RCOR1: variants seen among roughly 807,000 people sequenced by gnomAD.
RCOR1 encodes REST corepressor 1.
A neutral mutation model predicts 64.0 loss-of-function variants in RCOR1; 12 were observed. The observed-to-expected ratio is 0.19, with a 90% CI of 0.12 to 0.30. The LOEUF is 0.30. Among genes scored for constraint, RCOR1 ranks in the 10% least tolerant of loss-of-function variants. RCOR1 has a pLI of 1.00. For synonymous variants in RCOR1, 279 were observed against 227.2 expected, an observed-to-expected ratio of 1.23 and a Z score of -2.05; for missense variants, 502 against 621.2, an observed-to-expected ratio of 0.81 and a Z score of 2.04.
intron 3 of RCOR1, among the ~76,000 whole-genome samples, chr14:102,686,991 G>T (rs1022836706): frequency 2.0e-5 from 3 of 152,074 alleles, no homozygotes; most frequent in Non-Finnish European, 4.4e-5. Context: ...ATTCTTTTCA[G>T]TGTACCTGGC....
At chr14:102,620,073 T>C (rs1449730945) in intron 2 of RCOR1, among the ~76,000 whole-genome samples, 1 of 152,160 alleles carries the variant, frequency 6.6e-6, no homozygotes, top group African/African-American at 2.4e-5. Flanking sequence ...GTAGCTTTCT[T>C]GTAAATCTCC....
intron 2 of RCOR1, among the ~76,000 whole-genome samples, chr14:102,643,785 G>A (rs1025240315): frequency 6.6e-6 from 1 of 152,202 alleles, no homozygotes. Context: ...CTATCTGGAC[G>A]TGGTGGGGGA....
chr14:102,640,382 C>T (rs139261612), intron 2 of RCOR1, among the ~76,000 whole-genome samples: 37 of 152,256 alleles, frequency 2.4e-4, no homozygotes, highest in African/African-American at 8.2e-4. Context: ...TATGTATGAA[C>T]GAGATGTGAA....
intron 2 of RCOR1, among the ~76,000 whole-genome samples, chr14:102,669,890 T>C (rs1454281756): frequency 6.6e-6 from 1 of 152,226 alleles, no homozygotes; most frequent in Non-Finnish European, 1.5e-5. Flanking sequence ...TTAAATTTAC[T>C]CATGCGTAGC....
At chr14:102,622,126 G>A (rs1374118256) in intron 2 of RCOR1, among the ~76,000 whole-genome samples, 1 of 152,184 alleles carries the variant, frequency 6.6e-6, no homozygotes, top group Non-Finnish European at 1.5e-5. Context: ...TGGGACTTGG[G>A]CAGGTAGAAA....
At chr14:102,616,212 G>GTA (rs1893757109) in intron 2 of RCOR1, among the ~76,000 whole-genome samples, 2 of 7,180 alleles carry the variant, frequency 2.8e-4, no homozygotes, top group Admixed American at 1.9e-3. Flanking sequence ...GTATATGTGT[G>GTA]TGTGTGTGTG....
At chr14:102,636,174 G>A (rs571356896) in intron 2 of RCOR1, among the ~76,000 whole-genome samples, 36 of 152,030 alleles carry the variant, frequency 2.4e-4, no homozygotes, top group African/African-American at 7.2e-4. Flanking sequence ...TCCTGACCTC[G>A]TGATCTGCCC....
intron 4 of RCOR1, 72 bp from the exon 5 acceptor site, chr14:102,707,279 C>A: frequency 1.7e-4 from 186 of 1,115,132 alleles, no homozygotes; most frequent in East Asian, 2.4e-4. Context: ...TTTTACTTTT[C>A]TTTTGCTGGT....
intron 2 of RCOR1, among the ~76,000 whole-genome samples, chr14:102,681,096 T>C (rs1256037077): frequency 6.6e-6 from 1 of 152,200 alleles, no homozygotes; most frequent in Non-Finnish European, 1.5e-5. Context: ...TCAACCAGAC[T>C]GTGGGTTTCC....
chr14:102,598,707 C>G (rs1252922471), intron 2 of RCOR1, among the ~76,000 whole-genome samples: 1 of 152,156 alleles, frequency 6.6e-6, no homozygotes, highest in African/African-American at 2.4e-5. Context: ...CTCGGCCTCC[C>G]AGAGTGCTGG....
At chr14:102,644,715 C>A (rs1161954292) in intron 2 of RCOR1, among the ~76,000 whole-genome samples, 1 of 152,150 alleles carries the variant, frequency 6.6e-6, no homozygotes, top group Non-Finnish European at 1.5e-5. Context: ...AATGGCAGGA[C>A]AAGCTTAGGA....
At chr14:102,664,434 A>C (rs1224560597) in intron 2 of RCOR1, among the ~76,000 whole-genome samples, 3 of 152,152 alleles carry the variant, frequency 2.0e-5, no homozygotes, top group Non-Finnish European at 4.4e-5. Flanking sequence ...TTCTAAGGGA[A>C]ATTATTCATT....
At chr14:102,622,636 GC>G (rs1020434916) in intron 2 of RCOR1, among the ~76,000 whole-genome samples, 1 of 151,086 alleles carries the variant, frequency 6.6e-6, no homozygotes, top group Non-Finnish European at 1.5e-5. Context: ...TGTGATTTCC[GC>G]CCCCCGCCCC....
At chr14:102,670,813 GC>G (rs1455890421) in intron 2 of RCOR1, among the ~76,000 whole-genome samples, 1 of 150,452 alleles carries the variant, frequency 6.6e-6, no homozygotes, top group Non-Finnish European at 1.5e-5. Context: ...TGCTCTTGTC[GC>G]CCAGGCTGGA....
Position 102,729,765 on chromosome 14 carries a change from C to A in RCOR1, c.*3259C>A, listed in dbSNP as rs117149727. The A allele has an allele frequency of 1.5e-5, 6 of 398,760 alleles. No individual in the cohort carries two copies. In the East Asian group the frequency reaches 2.1e-4, roughly 14 times the overall value. 24.7% of individuals were successfully genotyped at this position (398,760 alleles called of 1,614,324 possible). On this transcript the variant is annotated 3_prime_UTR_variant, in exon 12 of 12. Transcript: ENST00000262241. ...CAGATGTACTATTGGTATAATTGCA[C>A]ACCAAAAATAAGCCAAACAGTGCAT... is the stretch of plus-strand genomic sequence containing the variant.
At chr14:102,663,434 T>G (rs551891351) in intron 2 of RCOR1, among the ~76,000 whole-genome samples, 1 of 152,224 alleles carries the variant, frequency 6.6e-6, no homozygotes, top group African/African-American at 2.4e-5. Context: ...TTTTCCTAAT[T>G]CAACCTTTTG....
At chr14:102,636,159 T>C (rs895835167) in intron 2 of RCOR1, among the ~76,000 whole-genome samples, 1 of 151,878 alleles carries the variant, frequency 6.6e-6, no homozygotes, top group Non-Finnish European at 1.5e-5. Context: ...AGGATGGTCT[T>C]GATCTCCTGA....
intron 2 of RCOR1, among the ~76,000 whole-genome samples, chr14:102,629,633 T>A (rs1442961892): frequency 1.3e-5 from 2 of 152,208 alleles, no homozygotes; most frequent in African/African-American, 4.8e-5. Flanking sequence ...CCACAAAGAA[T>A]ACCTTTATTG....
At chr14:102,643,105 A>G (rs998031690) in intron 2 of RCOR1, among the ~76,000 whole-genome samples, 2 of 151,544 alleles carry the variant, frequency 1.3e-5, no homozygotes, top group African/African-American at 4.9e-5. Flanking sequence ...ACACGGTGAA[A>G]CCCTGTCTCT....
Sources: gnomAD v4.1 joint callset for allele counts (sites outside exome capture counted in the v4.1 genomes callset) on GRCh38, gnomAD v4.1.1 for gene constraint, MANE v1.5 for transcripts, NCBI Gene and HGNC (gene_info 2026-07-23, HGNC 2026-07-21) for gene names.